RORA: variants seen among roughly 807,000 people sequenced by gnomAD.
RORA encodes nuclear receptor ROR-alpha.
RORA carries 7 observed loss-of-function variants against 69.5 expected under a neutral mutation model. The ratio of observed to expected loss-of-function variants is 0.10; its 90% CI spans 0.06 to 0.19. The LOEUF is 0.19. Ranked by LOEUF, RORA falls within the 10% of genes least tolerant of loss-of-function variation. The pLI, the probability that RORA is intolerant of heterozygous loss-of-function variation, is 1.00. For missense variants in RORA, 457 were observed against 663.0 expected (o/e 0.69, Z 3.41); for synonymous variants, 261 against 240.8 (o/e 1.08, Z -0.78).
chr15:61,213,068 C>T lies in RORA; in HGVS notation c.166+15985G>A, dbSNP rs2080008055. ...TTCCCCGCTGCCCATCAGATATGTC[C>T]CTGGAACTTCCAACTCAGCCCATCC... On this transcript the variant is annotated intron_variant, in intron 1 of 10. Coordinates refer to ENST00000335670, the MANE Select transcript of RORA (RefSeq NM_134261.3). This position sits in a 1 kb window ranked among gnomAD's most constrained non-coding sequence, Gnocchi z 4.1. Among the ~76,000 whole-genome samples, 4 of 152,100 alleles carry T rather than the reference C, an allele frequency of 2.6e-5. No individual in the cohort carries two copies. In the South Asian group the frequency reaches 8.3e-4, roughly 32 times the overall value.
chr15:60,830,688 T>C (rs2073030826), intron 1 of RORA, among the ~76,000 whole-genome samples: 1 of 152,240 alleles, frequency 6.6e-6, no homozygotes, highest in Non-Finnish European at 1.5e-5. Flanking sequence ...CTCCAGCTTT[T>C]TCCTCCTCAA....
intron 3 of RORA, among the ~76,000 whole-genome samples, chr15:60,525,309 G>A (rs937159760): frequency 4.6e-5 from 7 of 152,170 alleles, no homozygotes; most frequent in Middle Eastern, 3.2e-3. Context: ...CTGGCTGGAC[G>A]CTGCACTGTG....
chr15:61,195,985 C>G (rs963213914), intron 1 of RORA: 1 of 152,200 alleles, frequency 6.6e-6, no homozygotes, highest in Non-Finnish European at 1.5e-5. Flanking sequence ...ATCAATAAGC[C>G]TACTTGACAG....
intron 1 of RORA, among the ~76,000 whole-genome samples, chr15:61,094,159 C>T (rs1374657740): frequency 6.6e-6 from 1 of 152,116 alleles, no homozygotes; most frequent in East Asian, 1.9e-4. Context: ...AGGAGGTATC[C>T]ATTCCTGGGG....
At chr15:61,172,695 G>T (rs2079596014) in intron 1 of RORA, among the ~76,000 whole-genome samples, 1 of 152,200 alleles carries the variant, frequency 6.6e-6, no homozygotes, top group Non-Finnish European at 1.5e-5. Flanking sequence ...ATCGCCCAAA[G>T]TAAATACATA....
intron 1 of RORA, among the ~76,000 whole-genome samples, chr15:60,950,976 C>G (rs1893075759): frequency 6.6e-6 from 1 of 150,754 alleles, no homozygotes; most frequent in Non-Finnish European, 1.5e-5. Context: ...CCCAAATCAA[C>G]AGAATATACA....
chr15:60,772,165 G>A (rs1011738835), intron 1 of RORA, among the ~76,000 whole-genome samples: 1 of 151,974 alleles, frequency 6.6e-6, no homozygotes, highest in African/African-American at 2.4e-5. Flanking sequence ...CCATCAACTC[G>A]TCATTTACAT....
chr15:60,515,846 A>G (rs1315639659), intron 3 of RORA, among the ~76,000 whole-genome samples: 1 of 141,572 alleles, frequency 7.1e-6, no homozygotes, highest in African/African-American at 2.6e-5. Context: ...CTGGGACTGT[A>G]GGTGCACACC....
At chr15:60,696,611 A>C (rs1357756912) in intron 1 of RORA, among the ~76,000 whole-genome samples, 1 of 151,984 alleles carries the variant, frequency 6.6e-6, no homozygotes, top group Non-Finnish European at 1.5e-5. Context: ...CATATTCCTC[A>C]TTTACTTTAA....
At chr15:61,225,161 G>A (rs1030367374) in intron 1 of RORA, among the ~76,000 whole-genome samples, 3 of 152,008 alleles carry the variant, frequency 2.0e-5, no homozygotes, top group Non-Finnish European at 4.4e-5. Context: ...TTTTTAAAGG[G>A]TATTATTATA....
chr15:61,153,481 C>G (rs933758354), intron 1 of RORA, among the ~76,000 whole-genome samples: 4 of 152,216 alleles, frequency 2.6e-5, no homozygotes, highest in African/African-American at 9.6e-5. Flanking sequence ...CTTTCAACAG[C>G]TGCATCCAGT....
At chr15:60,968,667 C>CTTTTTTTT in intron 1 of RORA, among the ~76,000 whole-genome samples, 1 of 145,642 alleles carries the variant, frequency 6.9e-6, no homozygotes, top group Non-Finnish European at 1.5e-5. Context: ...CAACATAAAT[C>CTTTTTTTT]TTTTTTTTTT....
At chr15:60,736,877 G>A (rs985274688) in intron 1 of RORA, 6 of 152,190 alleles carry the variant, frequency 3.9e-5, no homozygotes, top group Non-Finnish European at 7.3e-5. Context: ...ATACACCTTG[G>A]CTAAAGGAAC....
chr15:60,821,497 C>T (rs1184134517), intron 1 of RORA, among the ~76,000 whole-genome samples: 2 of 152,230 alleles, frequency 1.3e-5, no homozygotes, highest in East Asian at 3.8e-4. Context: ...TGACTAGTAA[C>T]TCACCACTTT....
intron 1 of RORA, among the ~76,000 whole-genome samples, chr15:61,209,065 A>G (rs2079966880): frequency 6.6e-6 from 1 of 152,212 alleles, no homozygotes; most frequent in South Asian, 2.1e-4. Flanking sequence ...TCCTTACCCT[A>G]AAGATTCACA....
intron 1 of RORA, among the ~76,000 whole-genome samples, chr15:60,710,005 G>T (rs2071121586): frequency 6.6e-6 from 1 of 152,060 alleles, no homozygotes; most frequent in African/African-American, 2.4e-5. Context: ...TGCTGAGGAG[G>T]GAAGTAGTAA....
chr15:60,630,123 A>C (rs190527245), intron 2 of RORA, among the ~76,000 whole-genome samples: 1 of 152,390 alleles, frequency 6.6e-6, no homozygotes, highest in East Asian at 1.9e-4. Context: ...CAGAATGGAA[A>C]GAACCCCATA....
At chr15:60,619,629 C>T (rs1042468343) in intron 2 of RORA, among the ~76,000 whole-genome samples, 1 of 152,192 alleles carries the variant, frequency 6.6e-6, no homozygotes, top group African/African-American at 2.4e-5. Context: ...GCATTGAAAT[C>T]TGTCTGCATA....
intron 1 of RORA, among the ~76,000 whole-genome samples, chr15:61,198,435 T>C (rs1054210884): frequency 1.3e-5 from 2 of 152,142 alleles, no homozygotes; most frequent in East Asian, 1.9e-4. Flanking sequence ...ATTCTCATCA[T>C]GGATGTTCGG....
Sources: allele counts gnomAD v4.1 joint callset (sites outside exome capture counted in the v4.1 genomes callset), GRCh38; gene constraint gnomAD v4.1.1; non-coding constraint Gnocchi (gnomAD v3.1); transcripts MANE v1.5; gene names NCBI Gene and HGNC (gene_info 2026-07-23, HGNC 2026-07-21).